MEGF11: variants seen among roughly 807,000 people sequenced by gnomAD.
MEGF11 encodes the protein multiple EGF like domains 11.
Under a neutral mutation model 146.6 loss-of-function variants are expected in MEGF11, and 126 were observed. The observed-to-expected ratio is 0.86, with a 90% CI of 0.74 to 1.00. The LOEUF is 1.00. Ranked by LOEUF, MEGF11 falls within the 50% of genes least tolerant of loss-of-function variation. MEGF11 has a pLI of 0.00. For synonymous variants in MEGF11, 532 were observed against 583.4 expected (o/e 0.91, Z 1.27); for missense variants, 1,509 against 1,521.2 (o/e 0.99, Z 0.13).
intron 5 of MEGF11, among the ~76,000 whole-genome samples, chr15:66,062,069 T>C (rs754852614): frequency 1.3e-5 from 2 of 152,232 alleles, no homozygotes; most frequent in Non-Finnish European, 1.5e-5. Context: ...TTGCAGCCTC[T>C]TTTTGGTCAG....
In MEGF11 at chr15:65,918,071, G is replaced by A. The variant is rs754067933; in HGVS notation, c.1981C>T (p.Gln661Ter). The A allele has an allele frequency of 6.2e-7, 1 of 1,613,936 alleles. No homozygotes were observed. The highest frequency in any genetic ancestry group is 8.5e-7 in the Non-Finnish European group (1 of 1,179,886). The change falls in exon 16 of 26, where the codon CAG becomes TAG. Residue 661 changes from glutamine to a stop codon, truncating the protein, a stop_gained. Coordinates refer to ENST00000395614, the MANE Select transcript of MEGF11 (RefSeq NM_001385028.1). LOFTEE classifies it high-confidence loss of function. ...CAGGAGCAGAGCTGGGCACAGTCCTGCCCAAAGTATCCTCCAGCACACACT... is the reference window on the plus strand; with the variant it reads ...CAGGAGCAGAGCTGGGCACAGTCCTACCCAAAGTATCCTCCAGCACACACT... ...NQVCAGGYFG[Q>*]DCAQLCSCAN...
chr15:66,138,971 G>T (rs918252457), intron 1 of MEGF11, among the ~76,000 whole-genome samples: 1 of 152,170 alleles, frequency 6.6e-6, no homozygotes, highest in Non-Finnish European at 1.5e-5. Context: ...TCCCGGGGGT[G>T]GGGCAAGTCT....
chr15:65,919,857 C>T (rs2079119540), intron 15 of MEGF11, among the ~76,000 whole-genome samples: 1 of 152,182 alleles, frequency 6.6e-6, no homozygotes, highest in Non-Finnish European at 1.5e-5. Context: ...TGACCTCAAG[C>T]CTTGGCCTCC....
intron 1 of MEGF11, among the ~76,000 whole-genome samples, chr15:66,156,019 T>A (rs1288928731): frequency 2.6e-5 from 4 of 152,120 alleles, no homozygotes; most frequent in Non-Finnish European, 5.9e-5. Flanking sequence ...GGGAAGCTGC[T>A]GAGTTGGTCT....
intron 24 of MEGF11, among the ~76,000 whole-genome samples, chr15:65,903,128 T>A (rs900761085): frequency 6.6e-6 from 1 of 152,172 alleles, no homozygotes; most frequent in Non-Finnish European, 1.5e-5. Flanking sequence ...GAACACTGGC[T>A]TTAAAAAGTA....
intron 25 of MEGF11, 177 bp from the exon 26 acceptor site, chr15:65,898,271 C>T: frequency 2.0e-6 from 2 of 985,356 alleles, no homozygotes; most frequent in Non-Finnish European, 2.4e-6. Flanking sequence ...AGTGAATGTG[C>T]TGTCAACATC....
chr15:65,922,990 C>T (rs970935477), intron 13 of MEGF11, 21 bp from the exon 14 acceptor site: 14 of 1,609,392 alleles, frequency 8.7e-6, no homozygotes, highest in African/African-American at 2.7e-5. Flanking sequence ...GAGGCAGACT[C>T]GGGTCAGTGG....
chr15:66,220,926 A>G (rs1352814654), intron 1 of MEGF11, among the ~76,000 whole-genome samples: 3 of 152,154 alleles, frequency 2.0e-5, no homozygotes, highest in Non-Finnish European at 4.4e-5. Context: ...AGAGGAATAT[A>G]CACTTCCCCC....
At position 66,094,361 on chromosome 15, in the gene MEGF11, C is replaced by T. The variant is rs978776618; in HGVS notation, c.394+41G>A. 5.3e-6 allele frequency: 8 copies of T among 1,516,456 alleles called. No homozygotes were observed. The African/African-American group carries it at 1.1e-4, about 21-fold the overall frequency. 93.9% of individuals were successfully genotyped at this position (1,516,456 alleles called of 1,614,324 possible). A position where few individuals can be genotyped will look rare whatever the true frequency, so the allele number is the denominator to read the frequency against. ...ACCACAACCCACTCCCCTACCAAGT[C>T]AGAGCCAGGGTGCCTCCTGACCCCC... On this transcript the variant is annotated intron_variant, in intron 5 of 25. Coordinates refer to ENST00000395614, the MANE Select transcript of MEGF11 (RefSeq NM_001385028.1).
Position 66,044,949 on chromosome 15 carries a change from C to T in MEGF11, c.394+49453G>A, listed in dbSNP as rs143737811. 5.8e-3 allele frequency among the ~76,000 whole-genome samples: 867 copies of T among 149,810 alleles called. 9 individuals carry two copies. Among genetic ancestry groups the T allele is most frequent in the African/African-American group, 0.02 (805 of 40,342 alleles). The stretch of plus-strand genomic sequence containing the variant: ...AACCATAAGGCTTGTGTCCACAGAA[C>T]GAGGAGCTGGGAGAAAGTCTTAGCA... On this transcript the variant is annotated intron_variant, in intron 5 of 25. Coordinates refer to ENST00000395614, the MANE Select transcript of MEGF11 (RefSeq NM_001385028.1).
intron 5 of MEGF11, among the ~76,000 whole-genome samples, chr15:65,984,525 CAAA>C (rs35017296): frequency 6.1e-5 from 3 of 49,518 alleles, no homozygotes; most frequent in African/African-American, 1.8e-4. Flanking sequence ...GACTCCGTGT[CAAA>C]AAAAAAAAAA....
chr15:66,162,037 G>C (rs541773433), intron 1 of MEGF11, among the ~76,000 whole-genome samples: 31 of 152,160 alleles, frequency 2.0e-4, no homozygotes, highest in Non-Finnish European at 3.8e-4. Context: ...TTTCTGAGAT[G>C]ATTTGAGGCC....
intron 5 of MEGF11, among the ~76,000 whole-genome samples, chr15:66,068,104 C>T (rs1436048756): frequency 6.6e-6 from 1 of 152,074 alleles, no homozygotes; most frequent in Non-Finnish European, 1.5e-5. Flanking sequence ...AATAAAAACC[C>T]CTGGTATTAA....
rs1300359393 is a variant in MEGF11, at chr15:66,119,117, A to G, written c.270T>C (p.Pro90=). The G allele has an allele frequency of 1.3e-6, 2 of 1,551,164 alleles. No individual in the cohort carries two copies. The highest frequency in any genetic ancestry group is 3.3e-4 in the Middle Eastern group (2 of 5,994). The change falls in exon 4 of 26, where the codon CCT becomes CCC. Residue 90 remains proline (P), a synonymous_variant. Coordinates refer to ENST00000395614, the MANE Select transcript of MEGF11 (RefSeq NM_001385028.1). ...TMYRRRSQCC[P]GYYESGDFCI... is the part of the protein sequence containing the mutation. ...AGAAGTCTCCGCTCTCATAGTAGCC[A>G]GGGCAGCACTGGGACCTCCGCCGGT...
intron 5 of MEGF11, among the ~76,000 whole-genome samples, chr15:66,023,140 C>CAAAAAAAAAAAA (rs375962533): frequency 1.2e-4 from 15 of 123,686 alleles, no homozygotes; most frequent in Middle Eastern, 4.0e-3. Flanking sequence ...GACTCCATCT[C>CAAAAAAAAAAAA]AAAAAAAAAA....
intron 5 of MEGF11, among the ~76,000 whole-genome samples, chr15:65,992,640 A>T (rs1013223602): frequency 2.0e-5 from 3 of 150,206 alleles, no homozygotes; most frequent in Non-Finnish European, 4.4e-5. Flanking sequence ...CGGGGACTTT[A>T]TCAGGGACTT....
At chr15:66,234,840 T>G (rs541981786) in intron 1 of MEGF11, among the ~76,000 whole-genome samples, 9 of 150,766 alleles carry the variant, frequency 6.0e-5, no homozygotes, top group Admixed American at 3.3e-4. Flanking sequence ...CGCTGAGAAA[T>G]TAAAGATGAA....
intron 10 of MEGF11, among the ~76,000 whole-genome samples, chr15:65,932,457 A>AGG (rs2079612900): frequency 7.0e-6 from 1 of 141,976 alleles, no homozygotes; most frequent in Admixed American, 7.0e-5. Flanking sequence ...AATTTGGACG[A>AGG]GGGGCAAGTT....
In MEGF11 at chr15:66,100,626, T is replaced by C. The variant is rs78357143; in HGVS notation, c.302-6132A>G. On this transcript the variant is annotated intron_variant, in intron 4 of 25. Coordinates refer to ENST00000395614, the MANE Select transcript of MEGF11 (RefSeq NM_001385028.1). ...GACTAAATCATTAACACTTGTAAAC[T>C]GCTGAGAACAATGCCTGGCACATGG... 2.3e-3 allele frequency among the ~76,000 whole-genome samples: 354 copies of C among 152,308 alleles called. 8 individuals carry two copies. Among genetic ancestry groups the C allele is most frequent in the African/African-American group, 8.1e-3 (337 of 41,548 alleles).
Sources: allele counts gnomAD v4.1 joint callset (sites outside exome capture counted in the v4.1 genomes callset), GRCh38; gene constraint gnomAD v4.1.1; transcripts MANE v1.5; gene names NCBI Gene and HGNC (gene_info 2026-07-23, HGNC 2026-07-21).